The following ZNF138 variants were observed in gnomAD, a reference collection of about 807,000 sequenced individuals.
The protein encoded by ZNF138 is zinc finger protein 138 (clone pHZ-32).
Under a neutral mutation model 33.0 loss-of-function variants are expected in ZNF138, and 33 were observed. The observed-to-expected ratio is 1.00, with a 90% CI of 0.76 to 1.34. ZNF138 has a LOEUF of 1.34. Among genes scored for constraint, ZNF138 ranks in the 40% most tolerant of loss-of-function variants. The pLI, the probability that ZNF138 is intolerant of heterozygous loss-of-function variation, is 0.00. For missense variants in ZNF138, 360 were observed against 370.8 expected (o/e 0.97, Z 0.24); for synonymous variants, 139 against 120.4 (o/e 1.15, Z -1.01).
intron 1 of ZNF138, among the ~76,000 whole-genome samples, chr7:64,796,228 G>A (rs547653591): frequency 6.6e-6 from 1 of 152,320 alleles, no homozygotes; most frequent in East Asian, 1.9e-4. Context: ...GATGGTTCAA[G>A]AACTTGCAAA....
chr7:64,839,718 C>G, the ZNF138 span, among the ~76,000 whole-genome samples: 1 of 152,166 alleles, frequency 6.6e-6, no homozygotes, highest in African/African-American at 2.4e-5. Context: ...AGAAGCCTGA[C>G]CTGACTGAGG....
At chr7:64,829,299 C>T (rs914022019) in intron 3 of ZNF138, among the ~76,000 whole-genome samples, 13 of 151,626 alleles carry the variant, frequency 8.6e-5, no homozygotes, top group Non-Finnish European at 1.5e-5. Context: ...TATTAAAATA[C>T]TCTACTGTAA....
the ZNF138 span, among the ~76,000 whole-genome samples, chr7:64,859,570 A>T: frequency 6.6e-6 from 1 of 152,234 alleles, no homozygotes; most frequent in African/African-American, 2.4e-5. Context: ...TTTCAAATAC[A>T]TTCACCATTA....
At chr7:64,805,356 G>A (rs372021767) in intron 1 of ZNF138, among the ~76,000 whole-genome samples, 11 of 151,230 alleles carry the variant, frequency 7.3e-5, no homozygotes, top group East Asian at 5.9e-4. Context: ...CTGAGATTGC[G>A]CCACTGCACT....
At chr7:64,799,163 C>T (rs979284394) in intron 1 of ZNF138, among the ~76,000 whole-genome samples, 12 of 151,436 alleles carry the variant, frequency 7.9e-5, no homozygotes, top group Admixed American at 4.6e-4. Flanking sequence ...TGATATTGAT[C>T]TTTTCTTTTC....
intron 1 of ZNF138, among the ~76,000 whole-genome samples, chr7:64,809,126 G>A (rs1313390466): frequency 3.1e-4 from 36 of 116,272 alleles, no homozygotes; most frequent in Middle Eastern, 5.8e-3. Context: ...GGTGGTGGCC[G>A]GGCAGAGGGG....
At chr7:64,847,153 G>A in the ZNF138 span, among the ~76,000 whole-genome samples, 1 of 151,584 alleles carries the variant, frequency 6.6e-6, no homozygotes, top group South Asian at 2.1e-4. Context: ...TGTTTGATTT[G>A]GTTAGCTAGT....
chr7:64,852,611 G>A, the ZNF138 span: 1 of 1,506,566 alleles, frequency 6.6e-7, no homozygotes, highest in Non-Finnish European at 9.2e-7. Context: ...AAGCCCGCCT[G>A]TCCTGTTGAG....
chr7:64,842,040 G>C, the ZNF138 span, among the ~76,000 whole-genome samples: 1 of 152,158 alleles, frequency 6.6e-6, no homozygotes, highest in Admixed American at 6.5e-5. Flanking sequence ...TAAATTTAAT[G>C]TTCTATGATA....
intron 3 of ZNF138, among the ~76,000 whole-genome samples, chr7:64,824,629 C>T (rs1789422710): frequency 6.6e-6 from 1 of 151,936 alleles, no homozygotes; most frequent in Non-Finnish European, 1.5e-5. Context: ...CATATTGGAG[C>T]CCTGATGTTG....
In ZNF138 at chr7:64,831,733, AT is replaced by A. The variant is rs762830644; in HGVS notation, c.492del (p.Asn164LysfsTer19). ...AGACACAAGATAAGACATACTGAAA[AT>A]AAACATTTCAGATGTAAAGAATGTG... The part of the protein sequence containing the change: ...SNRHKIRHTE[N>X]KHFRCKECDK... On this transcript the variant is annotated frameshift_variant, in exon 4 of 4. Transcript: ENST00000307355. LOFTEE classifies it high-confidence loss of function. The A allele has an allele frequency of 9.3e-5, 150 of 1,613,432 alleles. No individual in the cohort carries two copies. The highest frequency in any genetic ancestry group is 1.2e-4 in the Non-Finnish European group (146 of 1,179,826).
the ZNF138 span, among the ~76,000 whole-genome samples, chr7:64,848,878 G>A: frequency 6.6e-6 from 1 of 151,728 alleles, no homozygotes; most frequent in Non-Finnish European, 1.5e-5. Flanking sequence ...CTAATTTTTT[G>A]TATTTTTAAT....
chr7:64,827,572 T>G (rs1357504878), intron 3 of ZNF138, among the ~76,000 whole-genome samples: 1 of 152,170 alleles, frequency 6.6e-6, no homozygotes, highest in Non-Finnish European at 1.5e-5. Context: ...CATCCTCACC[T>G]TTTATCTTGG....
At position 64,817,904 on chromosome 7, in the gene ZNF138, T is replaced by G. The variant is rs1196291074; in HGVS notation, c.208+2251T>G. ...TTTACTAAAATAGTTACTTATACAT[T>G]TAAGTTTGCTGTAGGTAAAGAGGAA... On this transcript the variant is annotated intron_variant, in intron 3 of 3. Coordinates refer to ENST00000307355, the MANE Select transcript of ZNF138 (RefSeq NM_001271639.2). Among the ~76,000 whole-genome samples, 6 of 152,146 alleles carry G rather than the reference T, an allele frequency of 3.9e-5. No homozygotes were observed. The South Asian group carries it at 1.2e-3, about 32-fold the overall frequency.
chr7:64,800,679 G>C (rs529758646), intron 1 of ZNF138, among the ~76,000 whole-genome samples: 1 of 152,276 alleles, frequency 6.6e-6, no homozygotes, highest in South Asian at 2.1e-4. Context: ...TTTGGTGTCT[G>C]AATGATGCTG....
chr7:64,852,922 T>A, the ZNF138 span: 12 of 1,168,384 alleles, frequency 1.0e-5, no homozygotes, highest in African/African-American at 1.4e-4. Context: ...CTTTAAAACC[T>A]TGGATAATCA....
chr7:64,845,415 T>C, the ZNF138 span, among the ~76,000 whole-genome samples: 5,249 of 152,342 alleles, frequency 0.034, 293 homozygotes, highest in African/African-American at 0.12. Flanking sequence ...TTTTGTATAA[T>C]AACTTTTTGC....
Position 64,832,402 on chromosome 7 carries a change from G to C in ZNF138, c.*200G>C. 2 of 1,515,088 alleles carry C rather than the reference G, an allele frequency of 1.3e-6. No homozygotes were observed. The highest frequency in any genetic ancestry group is 1.8e-6 in the Non-Finnish European group (2 of 1,135,560). 93.9% of individuals were successfully genotyped at this position (1,515,088 alleles called of 1,614,324 possible). A position where few individuals can be genotyped will look rare whatever the true frequency, so the allele number is the denominator to read the frequency against. On this transcript the variant is annotated 3_prime_UTR_variant, in exon 4 of 4. Transcript: ENST00000307355. Reference sequence around the variant, plus strand: ...ACTGAACATAAGTTAATTCATACTGGAGAAAAACCCTACAAATGTAAAGAA... The same window carrying C: ...ACTGAACATAAGTTAATTCATACTGCAGAAAAACCCTACAAATGTAAAGAA...
rs1786655271 is a variant in ZNF138 at position 64,795,971 on chromosome 7, A to G, written c.3+1400A>G. Among the ~76,000 whole-genome samples, 4 of 152,168 alleles carry G rather than the reference A, an allele frequency of 2.6e-5. No individual in the cohort carries two copies. In the South Asian group the frequency reaches 8.3e-4, roughly 32 times the overall value. On this transcript the variant is annotated intron_variant, in intron 1 of 3. Coordinates refer to ENST00000307355, the MANE Select transcript of ZNF138 (RefSeq NM_001271639.2). Reference sequence around the variant, plus strand: ...TTGGAGTGTAGCCTCTCAAGGGAGCAGGTGAATGCCCTGGGGCTGAGAGGA... The same window carrying G: ...TTGGAGTGTAGCCTCTCAAGGGAGCGGGTGAATGCCCTGGGGCTGAGAGGA...
Sources: allele counts gnomAD v4.1 joint callset (sites outside exome capture counted in the v4.1 genomes callset), GRCh38; gene constraint gnomAD v4.1.1; transcripts MANE v1.5; gene names NCBI Gene and HGNC (gene_info 2026-07-23, HGNC 2026-07-21).